NDST4: variants seen among roughly 807,000 people sequenced by gnomAD.
The protein encoded by NDST4 is N-heparan sulfate sulfotransferase 4.
NDST4 carries 63 observed loss-of-function variants against 100.8 expected under a neutral mutation model. The ratio of observed to expected loss-of-function variants is 0.62; its 90% confidence interval spans 0.51 to 0.77. The LOEUF is 0.77. Among genes scored for constraint, NDST4 ranks in the 30% least tolerant of loss-of-function variants. NDST4 has a pLI of 0.00. For missense variants in NDST4, 943 were observed against 1,018.4 expected (o/e 0.93, Z 1.01); for synonymous variants, 377 against 361.8 (o/e 1.04, Z -0.48).
intron 1 of NDST4, among the ~76,000 whole-genome samples, chr4:115,084,521 G>T (rs986508459): frequency 6.6e-6 from 1 of 152,160 alleles, no homozygotes; most frequent in Admixed American, 6.5e-5. Context: ...TCACAGGCCT[G>T]GAGGCCTAGG....
intron 4 of NDST4, among the ~76,000 whole-genome samples, chr4:114,951,285 A>T (rs1420296429): frequency 6.6e-6 from 1 of 152,050 alleles, no homozygotes; most frequent in African/African-American, 2.4e-5. Context: ...GTTTGTTAAA[A>T]TATTAGTTTT....
chr4:115,110,255 A>T (rs74334328), intron 1 of NDST4, among the ~76,000 whole-genome samples: 4,671 of 152,058 alleles, frequency 0.031, 108 homozygotes, highest in Middle Eastern at 0.092. Context: ...AACTTTTAAA[A>T]ATAGGGCATT....
chr4:115,087,832 G>T (rs1729438127), intron 1 of NDST4, among the ~76,000 whole-genome samples: 1 of 151,396 alleles, frequency 6.6e-6, no homozygotes, highest in Non-Finnish European at 1.5e-5. Flanking sequence ...AAACTCAACT[G>T]CTTTTTTTCT....
intron 2 of NDST4, among the ~76,000 whole-genome samples, chr4:114,997,800 T>C (rs1385472762): frequency 6.6e-6 from 1 of 152,094 alleles, no homozygotes; most frequent in Non-Finnish European, 1.5e-5. Context: ...TGACTCATTA[T>C]AAAAGAATTA....
chr4:114,918,158 T>C (rs1725212983), intron 6 of NDST4, among the ~76,000 whole-genome samples: 1 of 152,126 alleles, frequency 6.6e-6, no homozygotes, highest in Non-Finnish European at 1.5e-5. Flanking sequence ...AATTTTTCTT[T>C]AAGTCAAACT....
chr4:114,895,064 C>G (rs560683280), intron 6 of NDST4, among the ~76,000 whole-genome samples: 5 of 152,012 alleles, frequency 3.3e-5, no homozygotes, highest in African/African-American at 1.2e-4. Flanking sequence ...ACCCTAAATT[C>G]ACAGTTAAAA....
At chr4:115,072,392 C>G (rs1729096190) in intron 2 of NDST4, among the ~76,000 whole-genome samples, 1 of 151,394 alleles carries the variant, frequency 6.6e-6, no homozygotes, top group Non-Finnish European at 1.5e-5. Flanking sequence ...ACAAAAGATC[C>G]CAAATAACCA....
At chr4:114,942,219 G>C (rs186897678) in intron 4 of NDST4, among the ~76,000 whole-genome samples, 312 of 152,234 alleles carry the variant, frequency 2.0e-3, no homozygotes, top group Admixed American at 4.3e-3. Context: ...TGAAATAATT[G>C]TTTTTCAGTT....
rs1478621504 is a variant in NDST4, at chr4:114,939,946, C to T, written c.1222-2443G>A. Among the ~76,000 whole-genome samples the T allele has an allele frequency of 3.9e-5, 6 of 152,164 alleles. No homozygotes were observed. The East Asian group carries it at 9.7e-4, about 24-fold the overall frequency. Reference sequence around the variant, plus strand: ...TGCTATTATCATGGCGCTTACAGACCGAGAAGCTTCTATTTTCTATTGTCC... The same window carrying T: ...TGCTATTATCATGGCGCTTACAGACTGAGAAGCTTCTATTTTCTATTGTCC... On this transcript the variant is annotated intron_variant, in intron 4 of 13. Coordinates refer to ENST00000264363, the MANE Select transcript of NDST4 (RefSeq NM_022569.3).
chr4:114,952,539 G>T (rs1168970037), intron 4 of NDST4, among the ~76,000 whole-genome samples: 1 of 152,048 alleles, frequency 6.6e-6, no homozygotes, highest in Non-Finnish European at 1.5e-5. Context: ...GACAAGAAAA[G>T]CCATTTTTCT....
At chr4:114,943,047 A>T (rs1254771556) in intron 4 of NDST4, among the ~76,000 whole-genome samples, 2 of 147,270 alleles carry the variant, frequency 1.4e-5, no homozygotes, top group African/African-American at 2.5e-5. Context: ...ATATTATATG[A>T]TATATACATA....
rs537069131 is a variant in NDST4 at position 114,853,031 on chromosome 4, T to C, written c.1720-210A>G. 4.6e-5 allele frequency among the ~76,000 whole-genome samples: 7 copies of C among 152,280 alleles called. No homozygotes were observed. In the South Asian group the frequency reaches 1.2e-3, roughly 27 times the overall value. On this transcript the variant is annotated intron_variant, in intron 7 of 13. Transcript: ENST00000264363. ...AGGCTGGGACTCAGCATCAAGTCCT[T>C]CCTGTTGTTATCATCTTTCAGTGTT...
intron 6 of NDST4, among the ~76,000 whole-genome samples, chr4:114,907,428 A>C (rs1320287291): frequency 6.6e-6 from 1 of 152,206 alleles, no homozygotes; most frequent in Non-Finnish European, 1.5e-5. Context: ...AAGGTTGTGA[A>C]GATTTAATTA....
chr4:114,983,232 C>T (rs552311425), intron 2 of NDST4, among the ~76,000 whole-genome samples: 17 of 152,164 alleles, frequency 1.1e-4, no homozygotes, highest in African/African-American at 1.7e-4. Context: ...GGAGACCATC[C>T]GCCAGACCAC....
At chr4:115,001,242 G>T (rs2126255877) in intron 2 of NDST4, among the ~76,000 whole-genome samples, 1 of 152,202 alleles carries the variant, frequency 6.6e-6, no homozygotes, top group Non-Finnish European at 1.5e-5. Flanking sequence ...TGAGGTCTCA[G>T]TGGGATGCTT....
intron 2 of NDST4, among the ~76,000 whole-genome samples, chr4:115,072,336 A>G (rs1729094694): frequency 1.3e-5 from 2 of 152,096 alleles, no homozygotes; most frequent in Non-Finnish European, 2.9e-5. Flanking sequence ...ATTTTTCACA[A>G]AAATAGAAAA....
At chr4:115,097,672 AC>A (rs1729647731) in intron 1 of NDST4, among the ~76,000 whole-genome samples, 1 of 152,124 alleles carries the variant, frequency 6.6e-6, no homozygotes, top group Admixed American at 6.6e-5. Context: ...CAATACATTG[AC>A]CAGGGTCCTC....
intron 6 of NDST4, among the ~76,000 whole-genome samples, chr4:114,883,527 AAAAG>A (rs1431580260): frequency 6.6e-6 from 1 of 152,154 alleles, no homozygotes; most frequent in Admixed American, 6.6e-5. Context: ...GAAATGTCAA[AAAAG>A]AAAGAGCAGA....
At chr4:114,920,299 T>C (rs1465025759) in intron 6 of NDST4, among the ~76,000 whole-genome samples, 1 of 152,154 alleles carries the variant, frequency 6.6e-6, no homozygotes, top group African/African-American at 2.4e-5. Context: ...TCAGGCCATG[T>C]AGGAAGCTCT....
Sources: allele counts gnomAD v4.1 joint callset (sites outside exome capture counted in the v4.1 genomes callset), GRCh38; gene constraint gnomAD v4.1.1; transcripts MANE v1.5; gene names NCBI Gene and HGNC (gene_info 2026-07-23, HGNC 2026-07-21).